Variants in DCLRE1C observed in about 807,000 individuals in gnomAD.
The protein encoded by DCLRE1C is DNA cross-link repair 1C, also known as protein artemis.
Under a neutral mutation model 61.4 loss-of-function variants are expected in DCLRE1C, and 47 were observed. The ratio of observed to expected loss-of-function variants is 0.77; its 90% CI spans 0.61 to 0.98. The LOEUF is 0.98. DCLRE1C is among the 50% of genes least tolerant of loss of function. The pLI, the probability that DCLRE1C is intolerant of heterozygous loss-of-function variation, is 0.00. For missense variants in DCLRE1C, 858 were observed against 816.0 expected (o/e 1.05, Z -0.63); for synonymous variants, 337 against 287.6 (o/e 1.17, Z -1.74).
intron 13 of DCLRE1C, chr10:14,899,604 C>G: frequency 6.2e-7 from 1 of 1,614,102 alleles, no homozygotes; most frequent in Non-Finnish European, 8.5e-7. Context: ...TCACGTATCT[C>G]TTTGATCTGG....
chr10:14,920,262 T>C (rs1037780194), intron 12 of DCLRE1C: 8 of 472,170 alleles, frequency 1.7e-5, no homozygotes, highest in East Asian at 1.0e-4. Flanking sequence ...GGTTTACTTA[T>C]ATCTCACAGG....
downstream of DCLRE1C, chr10:14,904,315 A>ATTTTTTT (rs35999949): frequency 1.3e-5 from 1 of 77,762 alleles, no homozygotes; most frequent in East Asian, 3.9e-4. Flanking sequence ...AAAAAAAAAA[A>ATTTTTTT]TTTTTTTTTT....
rs1398466630 is a variant in DCLRE1C at position 14,938,025 on chromosome 10, G to A, written c.307-1432C>T. Among the ~76,000 whole-genome samples, 5 of 151,860 alleles carry A rather than the reference G, an allele frequency of 3.3e-5. No homozygotes were observed. In the East Asian group the frequency reaches 9.6e-4, roughly 29 times the overall value. On this transcript the variant is annotated intron_variant, in intron 4 of 13. Transcript: ENST00000378278. ...GCCTCTCCAGCCATCAGTAAGTGGG[G>A]AGAGCTCTGCACACACCAGGTCACT...
intron 13 of DCLRE1C, among the ~76,000 whole-genome samples, chr10:14,918,628 T>A (rs1333415901): frequency 5.4e-5 from 8 of 147,334 alleles, no homozygotes; most frequent in African/African-American, 2.0e-4. Context: ...AAGCTGTTTT[T>A]TAAAAAAAAA....
At position 14,939,851 on chromosome 10, in the gene DCLRE1C, T is replaced by C. The variant is rs756366535; in HGVS notation, c.265A>G (p.Thr89Ala). The C allele has an allele frequency of 2.3e-5, 36 of 1,596,778 alleles. No homozygotes were observed. The highest frequency in any genetic ancestry group is 1.0e-4 in the South Asian group (9 of 89,618). The change falls in exon 4 of 14, where the codon ACT (threonine) becomes GCT (alanine). Residue 89 changes from threonine (T) to alanine (A), a missense_variant. Physicochemically the swap from Thr to Ala is moderately conservative, Grantham distance 58. Transcript: ENST00000378278. ...TCCACTAAAGATATCTGGGTAGGAG[T>C]CTCGATTTCAATAGATATCTATAAA... The part of the protein sequence containing the change: ...KKRIISIEIE[T>A]PTQISLVDEA...
Position 14,909,125 on chromosome 10 carries a change from T to C in DCLRE1C, c.1362A>G (p.Glu454=), listed in dbSNP as rs746063292. 1.9e-6 allele frequency: 3 copies of C among 1,614,252 alleles called. No individual in the cohort carries two copies. The South Asian group carries it at 3.3e-5, about 18-fold the overall frequency. The change falls in exon 14 of 14, where the codon GAA becomes GAG. Residue 454 remains glutamate (E), a synonymous_variant. Transcript: ENST00000378278. ...CTTCTTCTTCACTTTCACTGTTGGATTCTTCACAATCTACAAAGTTTGTGA... is the reference window on the plus strand; with the variant it reads ...CTTCTTCTTCACTTTCACTGTTGGACTCTTCACAATCTACAAAGTTTGTGA... The part of the protein sequence containing the change: ...SRFTNFVDCE[E]SNSESEEEVG...
chr10:14,929,968 C>T (rs1465809761), intron 9 of DCLRE1C, among the ~76,000 whole-genome samples: 4 of 152,124 alleles, frequency 2.6e-5, no homozygotes, highest in Non-Finnish European at 4.4e-5. Flanking sequence ...AGGAAAGTAG[C>T]CCTGACAGCA....
At chr10:14,918,629 TAAAA>T (rs57588352) in intron 13 of DCLRE1C, among the ~76,000 whole-genome samples, 2 of 138,582 alleles carry the variant, frequency 1.4e-5, no homozygotes, top group East Asian at 2.1e-4. Context: ...AGCTGTTTTT[TAAAA>T]AAAAAAAAAA....
At chr10:14,930,146 C>G (rs1314154972) in intron 9 of DCLRE1C, among the ~76,000 whole-genome samples, 1 of 151,982 alleles carries the variant, frequency 6.6e-6, no homozygotes, top group Non-Finnish European at 1.5e-5. Flanking sequence ...GGGTTTCACT[C>G]TGTCACCCAG....
At chr10:14,931,565 A>C (rs1445480514) in intron 9 of DCLRE1C, among the ~76,000 whole-genome samples, 2 of 151,422 alleles carry the variant, frequency 1.3e-5, no homozygotes, top group Non-Finnish European at 2.9e-5. Flanking sequence ...CAAACAAAAA[A>C]ACAAAACAAC....
At chr10:14,922,310 A>G (rs981730463) in intron 12 of DCLRE1C, among the ~76,000 whole-genome samples, 1 of 152,006 alleles carries the variant, frequency 6.6e-6, no homozygotes, top group African/African-American at 2.4e-5. Flanking sequence ...GCATGATGGC[A>G]TGCACCTGTA....
exon 14 of DCLRE1C, chr10:14,897,878 TTACTTCATC>T (rs1259927261): frequency 2.5e-4 from 39 of 157,888 alleles, no homozygotes; most frequent in Admixed American, 1.3e-4. Context: ...AAGTTTTAAT[TTACTTCATC>T]TATTTGACCA....
At position 14,920,373 on chromosome 10, in the gene DCLRE1C, G is replaced by A. The variant is rs371772702; in HGVS notation, c.1062-541C>T. On this transcript the variant is annotated intron_variant, in intron 12 of 13. Transcript: ENST00000378278. ...AGGCAGAGAAATAAGATTTGAAGAC[G>A]TCCTACCCCTTTCGAAGGCCTCACT... 31 of 1,025,624 alleles carry A rather than the reference G, an allele frequency of 3.0e-5. No individual in the cohort carries two copies. The East Asian group carries it at 4.6e-4, about 15-fold the overall frequency. 63.5% of individuals were successfully genotyped at this position (1,025,624 alleles called of 1,614,324 possible). A position where few individuals can be genotyped will look rare whatever the true frequency, so the allele number is the denominator to read the frequency against.
downstream of DCLRE1C, chr10:14,899,733 G>A (rs1430775187): frequency 1.3e-6 from 2 of 1,590,502 alleles, no homozygotes; most frequent in Non-Finnish European, 8.6e-7. Flanking sequence ...ATTCAACCTA[G>A]TACTAGTTTC....
At chr10:14,945,245 G>C (rs1460528210) in intron 2 of DCLRE1C, 56 bp from the exon 3 acceptor site, 2 of 1,527,712 alleles carry the variant, frequency 1.3e-6, no homozygotes, top group East Asian at 4.6e-5. Flanking sequence ...CCATCTTGGT[G>C]ACTAAGAAAT....
At chr10:14,918,632 A>AT (rs1836598404) in intron 13 of DCLRE1C, among the ~76,000 whole-genome samples, 1 of 150,944 alleles carries the variant, frequency 6.6e-6, no homozygotes, top group Admixed American at 6.6e-5. Context: ...TGTTTTTTAA[A>AT]AAAAAAAAAA....
In DCLRE1C at chr10:14,908,740, T is replaced by G. The variant is rs1368413064; in HGVS notation, c.1747A>C (p.Lys583Gln). ...LDKADYRPTIKENIPASLMEQ... is the reference protein window; with the variant it reads ...LDKADYRPTIQENIPASLMEQ... Reference sequence around the variant, plus strand: ...ATGAGAGAGGCAGGAATATTCTCTTTGATTGTTGGTCTGTAGTCAGCTTTG... The same window carrying G: ...ATGAGAGAGGCAGGAATATTCTCTTGGATTGTTGGTCTGTAGTCAGCTTTG... The change falls in exon 14 of 14, where the codon AAA (lysine) becomes CAA (glutamine). Residue 583 changes from lysine to glutamine, a missense_variant. This residue lies in a region of DCLRE1C where 843 missense variants were observed against 783.5 expected (regional missense o/e 1.08). Transcript: ENST00000378278. 6.2e-7 allele frequency: 1 copy of G among 1,614,240 alleles called. No individual in the cohort carries two copies. The highest frequency in any genetic ancestry group is 1.1e-5 in the South Asian group (1 of 91,088).
At chr10:14,943,825 C>T (rs1167745698) in intron 3 of DCLRE1C, among the ~76,000 whole-genome samples, 12 of 152,170 alleles carry the variant, frequency 7.9e-5, no homozygotes, top group African/African-American at 1.2e-4. Flanking sequence ...GGATTACAAG[C>T]GTGAGCCACT....
chr10:14,919,080 G>T (rs757148497), intron 13 of DCLRE1C, among the ~76,000 whole-genome samples: 1 of 152,004 alleles, frequency 6.6e-6, no homozygotes, highest in Non-Finnish European at 1.5e-5. Flanking sequence ...TCATTATCTC[G>T]TGTGTTTTGG....
Sources: allele counts gnomAD v4.1 joint callset (sites outside exome capture counted in the v4.1 genomes callset), GRCh38; gene constraint gnomAD v4.1.1; regional missense constraint gnomAD v4.1.1; transcripts MANE v1.5; gene names NCBI Gene and HGNC (gene_info 2026-07-23, HGNC 2026-07-21).